KCNG3: variants seen among roughly 807,000 people sequenced by gnomAD.
KCNG3 encodes potassium voltage-gated channel modifier subfamily G member 3.
A neutral mutation model predicts 29.0 loss-of-function variants in KCNG3; 15 were observed. The ratio of observed to expected loss-of-function variants is 0.52; its 90% CI spans 0.35 to 0.80. The LOEUF (loss-of-function observed/expected upper bound fraction) is 0.80. Ranked by LOEUF, KCNG3 falls within the 30% of genes least tolerant of loss-of-function variation. The pLI is 0.01. For synonymous variants in KCNG3, 322 were observed against 248.9 expected, an observed-to-expected ratio of 1.29 and a Z score of -2.76; for missense variants, 512 against 605.7, an observed-to-expected ratio of 0.85 and a Z score of 1.62.
At position 42,493,189 on chromosome 2, in the gene KCNG3, C is replaced by T. The variant is rs773755230; in HGVS notation, c.313G>A (p.Gly105Ser). ...YNEMIYWGLE[G>S]AHLEYCCQRR... ...TGGCAGCAGTACTCGAGGTGCGCGC[C>T]CTCCAGGCCCCAGTAGATCATCTCG... The change falls in exon 1 of 2, where the codon GGC (glycine) becomes AGC (serine). Residue 105 changes from glycine (G) to serine (S), a missense_variant. Transcript: ENST00000306078. 4 of 1,609,966 alleles carry T rather than the reference C, an allele frequency of 2.5e-6. No individual in the cohort carries two copies. Among genetic ancestry groups the T allele is most frequent in the Non-Finnish European group, 3.4e-6 (4 of 1,179,840 alleles).
chr2:42,468,457 A>G (rs577533094), intron 1 of KCNG3, among the ~76,000 whole-genome samples: 55 of 152,354 alleles, frequency 3.6e-4, no homozygotes, highest in African/African-American at 1.3e-3. Context: ...TATATCAGCA[A>G]AAGGCAGAAA....
chr2:42,423,553 A>C, the KCNG3 span, among the ~76,000 whole-genome samples: 1 of 152,204 alleles, frequency 6.6e-6, no homozygotes, highest in Non-Finnish European at 1.5e-5. Flanking sequence ...GCTGAACCCT[A>C]TAAGTGTCAC....
At chr2:42,434,060 AC>A in the KCNG3 span, among the ~76,000 whole-genome samples, 3 of 152,170 alleles carry the variant, frequency 2.0e-5, no homozygotes, top group Non-Finnish European at 2.9e-5. Context: ...ATAAGATGCT[AC>A]CCCCTAATTT....
rs571644124 is a variant in KCNG3, at chr2:42,473,059, G to A, written c.665+19778C>T. 1.3e-3 allele frequency among the ~76,000 whole-genome samples: 196 copies of A among 151,012 alleles called. 1 individual carries two copies. The highest frequency in any genetic ancestry group is 4.6e-3 in the African/African-American group (188 of 41,196). On this transcript the variant is annotated intron_variant, in intron 1 of 1. Transcript: ENST00000306078. ...TGGGACTACAGGCACCCGCCACCAC[G>A]CCCGGCTAATCTATTTTTAGTAGAG...
chr2:42,431,807 G>A, the KCNG3 span, among the ~76,000 whole-genome samples: 5 of 152,172 alleles, frequency 3.3e-5, no homozygotes, highest in Admixed American at 2.0e-4. Flanking sequence ...GGAGGCCGAC[G>A]TGGGCGGATC....
At chr2:42,416,864 A>G in the KCNG3 span, among the ~76,000 whole-genome samples, 1 of 152,082 alleles carries the variant, frequency 6.6e-6, no homozygotes, top group South Asian at 2.1e-4. Context: ...TTAAGGTGAC[A>G]GATATGTTAA....
chr2:42,439,369 C>A (rs1572836739), downstream of KCNG3, among the ~76,000 whole-genome samples: 1 of 151,780 alleles, frequency 6.6e-6, no homozygotes, highest in Non-Finnish European at 1.5e-5. Context: ...TTAAGTAATT[C>A]TCATGCCTCA....
At chr2:42,405,520 C>T in the KCNG3 span, among the ~76,000 whole-genome samples, 1 of 151,440 alleles carries the variant, frequency 6.6e-6, no homozygotes, top group Admixed American at 6.6e-5. Context: ...CTCACTGCAG[C>T]CTCTGCCTCC....
the KCNG3 span, among the ~76,000 whole-genome samples, chr2:42,398,265 A>AAAT: frequency 2.2e-5 from 3 of 138,534 alleles, no homozygotes; most frequent in Admixed American, 7.9e-5. Context: ...ATAAATAAAT[A>AAAT]AAATAAAATA....
At chr2:42,464,497 C>T (rs560480551) in intron 1 of KCNG3, among the ~76,000 whole-genome samples, 1 of 152,304 alleles carries the variant, frequency 6.6e-6, no homozygotes, top group Non-Finnish European at 1.5e-5. Context: ...CTAAAAGCAG[C>T]AATACTCGAA....
chr2:42,448,651 T>C (rs978422762), intron 1 of KCNG3, among the ~76,000 whole-genome samples: 1 of 152,106 alleles, frequency 6.6e-6, no homozygotes, highest in Non-Finnish European at 1.5e-5. Context: ...AGGCAGTTTG[T>C]TTTTCAACCA....
the KCNG3 span, among the ~76,000 whole-genome samples, chr2:42,434,018 C>A: frequency 6.6e-6 from 1 of 152,126 alleles, no homozygotes; most frequent in Non-Finnish European, 1.5e-5. Context: ...CGAAAGGCAC[C>A]TCATATTCAT....
At chr2:42,433,386 G>GT in the KCNG3 span, among the ~76,000 whole-genome samples, 2 of 152,140 alleles carry the variant, frequency 1.3e-5, no homozygotes, top group Non-Finnish European at 2.9e-5. Context: ...AGAAACTGGT[G>GT]TGTGAGTCGG....
chr2:42,493,087 C>T lies in KCNG3; in HGVS notation c.415G>A (p.Glu139Lys), dbSNP rs367640841. ...GCCTCGGCCCCGCCGGGGCGCGCCT[C>T]GTCGCGGCCCAGCACGCCCGGCTCG... Reference protein sequence around the residue: ...ADEPGVLGRDEARPGGAEAAP... With the variant: ...ADEPGVLGRDKARPGGAEAAP... The change falls in exon 1 of 2, where the codon GAG (glutamate) becomes AAG (lysine). Residue 139 changes from glutamate to lysine, a missense_variant. Glu to Lys is a moderately conservative substitution (Grantham distance 56). Coordinates refer to ENST00000306078, the MANE Select transcript of KCNG3 (RefSeq NM_133329.6). 1.5e-5 allele frequency: 24 copies of T among 1,565,946 alleles called. No homozygotes were observed. Among genetic ancestry groups the T allele is most frequent in the Non-Finnish European group, 1.9e-5 (22 of 1,160,638 alleles).
chr2:42,451,953 G>A (rs1257622017), intron 1 of KCNG3, among the ~76,000 whole-genome samples: 1 of 151,588 alleles, frequency 6.6e-6, no homozygotes. Flanking sequence ...AGAGTGAAAG[G>A]GCAACCTACA....
chr2:42,395,282 G>A, the KCNG3 span, among the ~76,000 whole-genome samples: 4 of 152,202 alleles, frequency 2.6e-5, no homozygotes, highest in Non-Finnish European at 5.9e-5. Flanking sequence ...AAAGTTGAGT[G>A]ATAAGCCAGC....
chr2:42,488,673 C>T (rs1673790004), intron 1 of KCNG3, among the ~76,000 whole-genome samples: 1 of 151,942 alleles, frequency 6.6e-6, no homozygotes, highest in Non-Finnish European at 1.5e-5. Context: ...CCTCAGCCTC[C>T]TGAGTAGCTG....
the KCNG3 span, among the ~76,000 whole-genome samples, chr2:42,407,597 T>C: frequency 4.6e-5 from 7 of 152,148 alleles, no homozygotes; most frequent in East Asian, 9.7e-4. Flanking sequence ...GTCATGGCTG[T>C]GGACCCAGGC....
chr2:42,491,590 T>C (rs1297796466), intron 1 of KCNG3, among the ~76,000 whole-genome samples: 1 of 152,210 alleles, frequency 6.6e-6, no homozygotes. Flanking sequence ...ATCTGTAAAT[T>C]CAAAACTGTT....
Sources: allele counts gnomAD v4.1 joint callset (sites outside exome capture counted in the v4.1 genomes callset), GRCh38; gene constraint gnomAD v4.1.1; transcripts MANE v1.5; gene names NCBI Gene and HGNC (gene_info 2026-07-23, HGNC 2026-07-21).